Variants in FLRT2 observed in about 807,000 individuals in gnomAD.
The protein encoded by FLRT2 is leucine-rich repeat transmembrane protein FLRT2.
Under a neutral mutation model 40.0 loss-of-function variants are expected in FLRT2, and 15 were observed. The observed-to-expected ratio is 0.38, with a 90% CI of 0.25 to 0.58. The LOEUF is 0.58. Among genes scored for constraint, FLRT2 ranks in the 20% least tolerant of loss-of-function variants. FLRT2 has a pLI of 0.71. For synonymous variants in FLRT2, 380 were observed against 336.8 expected, an observed-to-expected ratio of 1.13 and a Z score of -1.41; for missense variants, 726 against 840.0, an observed-to-expected ratio of 0.86 and a Z score of 1.68.
intron 1 of FLRT2, among the ~76,000 whole-genome samples, chr14:85,535,216 A>G (rs1232158540): frequency 2.6e-5 from 4 of 152,226 alleles, no homozygotes; most frequent in Non-Finnish European, 5.9e-5. Flanking sequence ...ACTCGCTCAC[A>G]GACTTATTGC....
At chr14:85,592,541 C>A (rs994907121) in intron 1 of FLRT2, among the ~76,000 whole-genome samples, 96 of 152,174 alleles carry the variant, frequency 6.3e-4, no homozygotes, top group African/African-American at 2.3e-3. Context: ...GTAATCCCAG[C>A]ACTTTGGGAG....
chr14:85,597,111 T>G (rs1447440709), intron 1 of FLRT2, among the ~76,000 whole-genome samples: 3 of 152,168 alleles, frequency 2.0e-5, no homozygotes, highest in Non-Finnish European at 4.4e-5. Flanking sequence ...GTATGACAAC[T>G]TTGGCGCTTT....
intron 1 of FLRT2, among the ~76,000 whole-genome samples, chr14:85,580,440 G>A (rs1416721498): frequency 6.6e-6 from 1 of 152,108 alleles, no homozygotes; most frequent in African/African-American, 2.4e-5. Context: ...ATGTGCGAGT[G>A]CATGCATGCC....
At chr14:85,579,600 A>G (rs1232443028) in intron 1 of FLRT2, among the ~76,000 whole-genome samples, 14 of 152,092 alleles carry the variant, frequency 9.2e-5, no homozygotes, top group Admixed American at 8.5e-4. Context: ...TCAGAACCCC[A>G]ATTTTCCGTA....
chr14:85,548,176 C>A (rs1889389823), intron 1 of FLRT2, among the ~76,000 whole-genome samples: 1 of 152,206 alleles, frequency 6.6e-6, no homozygotes, highest in South Asian at 2.1e-4. Flanking sequence ...CCTCAACCTA[C>A]TTCTGTGAAA....
rs1161315664 is a variant in FLRT2, at chr14:85,652,103, TCTC to T, written c.*28609_*28611del. On this transcript the variant is annotated 3_prime_UTR_variant, in exon 2 of 2. Transcript: ENST00000330753. ...AAGCAATGAGCAAGGAACAACAAAG[TCTC>T]CTTAGGAGGCAAAACAAAGTATTAT... 4.6e-5 allele frequency: 7 copies of T among 152,022 alleles called. No homozygotes were observed. Among genetic ancestry groups the T allele is most frequent in the East Asian group, 1.9e-4 (1 of 5,190 alleles). The allele number at this position is 152,022 out of a possible 1,614,324, so 9.4% of individuals were successfully genotyped here.
intron 1 of FLRT2, chr14:85,562,997 C>T (rs972918389): frequency 2.0e-5 from 3 of 151,666 alleles, no homozygotes; most frequent in South Asian, 2.1e-4. Flanking sequence ...ACTTATCTAG[C>T]GCCCTTTTCA....
Position 85,630,777 on chromosome 14 carries a change from A to G in FLRT2, c.*7280A>G, listed in dbSNP as rs1893847628. 2 of 152,146 alleles carry G rather than the reference A, an allele frequency of 1.3e-5. No homozygotes were observed. The allele number at this position is 152,146 out of a possible 1,614,324, so 9.4% of individuals were successfully genotyped here. A position where few individuals can be genotyped will look rare whatever the true frequency, so the allele number is the denominator to read the frequency against. On this transcript the variant is annotated 3_prime_UTR_variant, in exon 2 of 2. Transcript: ENST00000330753. ...TAAATAATCAGCCTAGGATTCTGCTAGTTCCAGCACCAGAGTGGCCTCTCA... is the reference window on the plus strand; with the variant it reads ...TAAATAATCAGCCTAGGATTCTGCTGGTTCCAGCACCAGAGTGGCCTCTCA...
At chr14:85,544,921 A>C (rs1310650437) in intron 1 of FLRT2, among the ~76,000 whole-genome samples, 1 of 152,144 alleles carries the variant, frequency 6.6e-6, no homozygotes, top group East Asian at 1.9e-4. Flanking sequence ...GGCTGAAAAG[A>C]GTAGAAGAGG....
intron 1 of FLRT2, among the ~76,000 whole-genome samples, chr14:85,553,628 C>T (rs1402143751): frequency 1.3e-5 from 2 of 152,058 alleles, no homozygotes; most frequent in Non-Finnish European, 1.5e-5. Context: ...TCGCCAGATC[C>T]AAGCACTGAT....
chr14:85,645,658 T>C lies in FLRT2; in HGVS notation c.*22161T>C, dbSNP rs1894280307. ...TATTCATGCCACATGTTATTTCTTTTCAGAAGATCTTCCTAGTTGAGGAAT... is the reference window on the plus strand; with the variant it reads ...TATTCATGCCACATGTTATTTCTTTCCAGAAGATCTTCCTAGTTGAGGAAT... On this transcript the variant is annotated 3_prime_UTR_variant, in exon 2 of 2. Coordinates refer to ENST00000330753, the MANE Select transcript of FLRT2 (RefSeq NM_013231.6). 1 of 152,202 alleles carries C rather than the reference T, an allele frequency of 6.6e-6. No homozygotes were observed. The highest frequency in any genetic ancestry group is 2.4e-5 in the African/African-American group (1 of 41,454). 9.4% of individuals were successfully genotyped at this position (152,202 alleles called of 1,614,324 possible). A position where few individuals can be genotyped will look rare whatever the true frequency, so the allele number is the denominator to read the frequency against.
At chr14:85,603,222 C>G (rs1195763389) in intron 1 of FLRT2, among the ~76,000 whole-genome samples, 1 of 152,076 alleles carries the variant, frequency 6.6e-6, no homozygotes, top group Non-Finnish European at 1.5e-5. Flanking sequence ...CCTGAAGGTA[C>G]TTGGTACAAG....
At chr14:85,556,165 A>T (rs1009571261) in intron 1 of FLRT2, among the ~76,000 whole-genome samples, 9 of 152,316 alleles carry the variant, frequency 5.9e-5, no homozygotes, top group African/African-American at 1.4e-4. Context: ...AAACTTTTTT[A>T]AAAAGTTTGG....
chr14:85,594,840 G>A lies in FLRT2; in HGVS notation c.-376-26299G>A, dbSNP rs980959909. On this transcript the variant is annotated intron_variant, in intron 1 of 1. Coordinates refer to ENST00000330753, the MANE Select transcript of FLRT2 (RefSeq NM_013231.6). ...TTAACTACTAATAGCCTATTGTTGA[G>A]TGGAAGCCTCACCAATAACACAGTC... is the stretch of plus-strand genomic sequence containing the variant. Among the ~76,000 whole-genome samples, 11 of 152,228 alleles carry A rather than the reference G, an allele frequency of 7.2e-5. No individual in the cohort carries two copies. In the South Asian group the frequency reaches 1.7e-3, roughly 23 times the overall value.
intron 1 of FLRT2, chr14:85,560,905 C>T (rs1379658727): frequency 6.6e-6 from 1 of 152,148 alleles, no homozygotes; most frequent in African/African-American, 2.4e-5. Flanking sequence ...TGCAGACAAG[C>T]AATTACTCCG....
At chr14:85,585,790 C>T (rs1310414476) in intron 1 of FLRT2, among the ~76,000 whole-genome samples, 5 of 151,942 alleles carry the variant, frequency 3.3e-5, no homozygotes, top group African/African-American at 9.7e-5. Context: ...AGGGCCCTTG[C>T]GGCACCTGCC....
chr14:85,602,205 A>G (rs1956634), intron 1 of FLRT2, among the ~76,000 whole-genome samples: 25,324 of 152,236 alleles, frequency 0.17, 2,666 homozygotes, highest in East Asian at 0.55. Context: ...ATAAATATGC[A>G]TGTATATTAC....
intron 1 of FLRT2, among the ~76,000 whole-genome samples, chr14:85,531,890 G>C (rs893127876): frequency 1.3e-5 from 2 of 152,228 alleles, no homozygotes; most frequent in African/African-American, 2.4e-5. Context: ...GTGTGTGAGC[G>C]CGTGTGCCAG....
intron 1 of FLRT2, among the ~76,000 whole-genome samples, chr14:85,559,933 A>C (rs1566727758): frequency 6.6e-6 from 1 of 152,178 alleles, no homozygotes; most frequent in Non-Finnish European, 1.5e-5. Flanking sequence ...CTCTCTCAGG[A>C]AGCCATAGAT....
Sources: allele counts gnomAD v4.1 joint callset (sites outside exome capture counted in the v4.1 genomes callset), GRCh38; gene constraint gnomAD v4.1.1; transcripts MANE v1.5; gene names NCBI Gene and HGNC (gene_info 2026-07-23, HGNC 2026-07-21).